FAAH2: variants seen among roughly 807,000 people sequenced by gnomAD.
FAAH2 encodes the protein fatty acid amide hydrolase 2.
FAAH2 carries 60 observed loss-of-function variants against 36.9 expected under a neutral mutation model. The observed-to-expected ratio is 1.63, with a 90% CI of 1.32 to 2.02. The LOEUF (loss-of-function observed/expected upper bound fraction) is 2.02. Among genes scored for constraint, FAAH2 ranks in the 30% most tolerant of loss-of-function variants. FAAH2 has a pLI of 0.00. For synonymous variants in FAAH2, 214 were observed against 143.8 expected, an observed-to-expected ratio of 1.49 and a Z score of -3.49; for missense variants, 689 against 397.5, an observed-to-expected ratio of 1.73 and a Z score of -6.23.
chrX:57,441,438 G>T (rs780586501), intron 8 of FAAH2, among the ~76,000 whole-genome samples: 1 of 110,969 alleles, frequency 9.0e-6, no homozygotes, highest in South Asian at 3.8e-4. Flanking sequence ...CTTTGGGATT[G>T]GTGGTGCTAT....
At chrX:57,146,199 G>T in the FAAH2 span, among the ~76,000 whole-genome samples, 2 of 110,590 alleles carry the variant, frequency 1.8e-5, no homozygotes, top group Non-Finnish European at 3.8e-5. Flanking sequence ...CATCCATGAG[G>T]ATGGGATGTA....
chrX:57,156,760 G>T, the FAAH2 span, among the ~76,000 whole-genome samples: 1 of 111,604 alleles, frequency 9.0e-6, no homozygotes, highest in African/African-American at 3.3e-5. Flanking sequence ...ATCTCTCTGT[G>T]CTGGGCTGCC....
intron 7 of FAAH2, among the ~76,000 whole-genome samples, chrX:57,413,198 C>A (rs181066611): frequency 6.3e-5 from 7 of 111,834 alleles, no homozygotes; most frequent in Non-Finnish European, 1.3e-4. Context: ...ATGATAGTTT[C>A]TTTGCTATGC....
chrX:57,285,067 A>C (rs777866760), upstream of FAAH2, among the ~76,000 whole-genome samples: 36 of 112,602 alleles, frequency 3.2e-4, no homozygotes, highest in African/African-American at 1.1e-3. Flanking sequence ...AGTTTCACTC[A>C]GCTAACAGGT....
intron 8 of FAAH2, among the ~76,000 whole-genome samples, chrX:57,443,550 C>T (rs928998352): frequency 2.7e-5 from 3 of 111,581 alleles, no homozygotes; most frequent in East Asian, 2.8e-4. Flanking sequence ...GTGACGCGTT[C>T]GAAGATCCTC....
At chrX:57,192,032 G>A in the FAAH2 span, among the ~76,000 whole-genome samples, 1 of 111,685 alleles carries the variant, frequency 9.0e-6, no homozygotes, top group East Asian at 2.8e-4. Flanking sequence ...TTTTGATGGG[G>A]ATTGCATAAA....
chrX:57,243,185 G>A, the FAAH2 span, among the ~76,000 whole-genome samples: 1 of 112,186 alleles, frequency 8.9e-6, no homozygotes. Context: ...AGCCACTGTA[G>A]CCAGACTGCC....
the FAAH2 span, among the ~76,000 whole-genome samples, chrX:57,240,480 G>A: frequency 9.0e-6 from 1 of 111,644 alleles, no homozygotes; most frequent in Non-Finnish European, 1.9e-5. Flanking sequence ...TTGAGTAGTG[G>A]CAGTGGGTTC....
the FAAH2 span, among the ~76,000 whole-genome samples, chrX:57,168,864 T>C: frequency 8.9e-6 from 1 of 112,577 alleles, no homozygotes; most frequent in East Asian, 2.8e-4. Flanking sequence ...GATAAAACTC[T>C]ATGGGTTTTG....
chrX:57,426,735 T>C (rs1301257233), intron 7 of FAAH2, among the ~76,000 whole-genome samples: 1 of 111,612 alleles, frequency 9.0e-6, no homozygotes, highest in African/African-American at 3.2e-5. Context: ...TAAACCTTTG[T>C]AATACAGCAG....
At chrX:57,443,685 G>A (rs1227746923) in intron 8 of FAAH2, among the ~76,000 whole-genome samples, 1 of 111,878 alleles carries the variant, frequency 8.9e-6, no homozygotes, top group Non-Finnish European at 1.9e-5. Context: ...AGGAGAAGAG[G>A]TGCTCTGATT....
intron 5 of FAAH2, among the ~76,000 whole-genome samples, chrX:57,374,454 T>C (rs919099554): frequency 5.4e-5 from 6 of 111,772 alleles, no homozygotes; most frequent in Non-Finnish European, 9.4e-5. Context: ...TTCCTAAGTA[T>C]TTTATTTATT....
At chrX:57,330,439 C>T (rs752431407) in intron 3 of FAAH2, among the ~76,000 whole-genome samples, 3 of 111,650 alleles carry the variant, frequency 2.7e-5, no homozygotes, top group Non-Finnish European at 5.6e-5. Flanking sequence ...ACCCTGTCTC[C>T]TGATAAGATG....
chrX:57,243,418 C>T, the FAAH2 span, among the ~76,000 whole-genome samples: 1 of 112,454 alleles, frequency 8.9e-6, no homozygotes, highest in East Asian at 2.8e-4. Context: ...ACTGCCTCCT[C>T]AACTGGGTCC....
intron 4 of FAAH2, among the ~76,000 whole-genome samples, chrX:57,336,952 C>T (rs1038768991): frequency 1.4e-5 from 1 of 72,226 alleles, no homozygotes; most frequent in African/African-American, 5.2e-5. Flanking sequence ...TCAACGAATC[C>T]AGGAGCTATT....
chrX:57,183,642 T>C, the FAAH2 span, among the ~76,000 whole-genome samples: 2 of 111,707 alleles, frequency 1.8e-5, no homozygotes, highest in Non-Finnish European at 3.8e-5. Context: ...AATCCTGTTA[T>C]CTTCATAAGC....
At chrX:57,261,417 G>A in the FAAH2 span, among the ~76,000 whole-genome samples, 1 of 108,758 alleles carries the variant, frequency 9.2e-6, no homozygotes, top group Non-Finnish European at 1.9e-5. Context: ...GCTGGGCATG[G>A]TGGTGCGTTC....
intron 7 of FAAH2, among the ~76,000 whole-genome samples, chrX:57,398,661 C>T (rs757571308): frequency 8.1e-5 from 9 of 110,777 alleles, no homozygotes; most frequent in Non-Finnish European, 1.7e-4. Flanking sequence ...TTTTATATCC[C>T]GATCATTGTC....
chrX:57,231,647 C>T, the FAAH2 span, among the ~76,000 whole-genome samples: 1 of 111,615 alleles, frequency 9.0e-6, no homozygotes. Context: ...CACAGTACAT[C>T]TTAGAAACTG....
Sources: allele counts gnomAD v4.1 joint callset (sites outside exome capture counted in the v4.1 genomes callset), GRCh38; gene constraint gnomAD v4.1.1; transcripts MANE v1.5; gene names NCBI Gene and HGNC (gene_info 2026-07-23, HGNC 2026-07-21).